Variants in FRA10AC1 observed in about 807,000 individuals in gnomAD.
FRA10AC1 encodes FRA10A associated CGG repeat 1.
A neutral mutation model predicts 56.5 loss-of-function variants in FRA10AC1; 43 were observed. The observed-to-expected ratio is 0.76, with a 90% CI of 0.60 to 0.98. The LOEUF is 0.98. Ranked by LOEUF, FRA10AC1 falls within the 50% of genes least tolerant of loss-of-function variation. The probability of loss-of-function intolerance (pLI) is 0.00; values close to 1 mark genes in which losing one functional copy is unlikely to be tolerated. For synonymous variants in FRA10AC1, 112 were observed against 110.5 expected, an observed-to-expected ratio of 1.01 and a Z score of -0.09; for missense variants, 346 against 351.8, an observed-to-expected ratio of 0.98 and a Z score of 0.13.
In FRA10AC1 at chr10:93,671,911, A is replaced by AGTG. The variant is rs748986581; in HGVS notation, c.827-1064_827-1063insCAC. On this transcript the variant is annotated intron_variant, in intron 12 of 13. Coordinates refer to ENST00000359204, the MANE Select transcript of FRA10AC1 (RefSeq NM_145246.5). ...AACAATGAGCATGAATTACCTTCAA[A>AGTG]ATCAGTAAAAACAATAAAGACATTT... The AGTG allele has an allele frequency of 7.2e-4, 268 of 372,696 alleles. 2 individuals carry two copies. The highest frequency in any genetic ancestry group is 5.4e-3 in the South Asian group (262 of 48,228). The allele number at this position is 372,696 out of a possible 1,614,324, so 23.1% of individuals were successfully genotyped here.
intron 11 of FRA10AC1, among the ~76,000 whole-genome samples, chr10:93,677,737 T>C (rs1196705086): frequency 6.6e-6 from 1 of 152,252 alleles, no homozygotes; most frequent in African/African-American, 2.4e-5. Flanking sequence ...TCTCAAACTT[T>C]AGTGCATATG....
At chr10:93,697,357 A>G (rs553891920) in intron 4 of FRA10AC1, among the ~76,000 whole-genome samples, 3 of 152,348 alleles carry the variant, frequency 2.0e-5, no homozygotes, top group South Asian at 2.1e-4. Flanking sequence ...TGGTACTTCT[A>G]TAACTTAAAA....
chr10:93,690,860 C>T (rs563479957), intron 7 of FRA10AC1, among the ~76,000 whole-genome samples: 29 of 152,026 alleles, frequency 1.9e-4, no homozygotes, highest in Admixed American at 6.6e-4. Context: ...ATTAAGTGCA[C>T]GGGTTTATAA....
At chr10:93,702,937 A>G (rs1338502437), upstream of FRA10AC1, 2 of 455,154 alleles carry the variant, frequency 4.4e-6, no homozygotes, top group African/African-American at 4.0e-5. Flanking sequence ...AGAGCAGCTC[A>G]TCAGCGCTTC....
At chr10:93,676,152 T>C (rs1175126169) in intron 12 of FRA10AC1, among the ~76,000 whole-genome samples, 3 of 152,224 alleles carry the variant, frequency 2.0e-5, no homozygotes. Flanking sequence ...TTTACATTGC[T>C]ATTCTACCTT....
Position 93,696,510 on chromosome 10 carries a change from T to C in FRA10AC1, c.220-1573A>G, listed in dbSNP as rs533665129. ...AACACTTTTACACTGTTGGTGGGAA[T>C]GTAAAATGGTTCAACCATTATTGAA... On this transcript the variant is annotated intron_variant, in intron 4 of 13. Coordinates refer to ENST00000359204, the MANE Select transcript of FRA10AC1 (RefSeq NM_145246.5). Among the ~76,000 whole-genome samples the C allele has an allele frequency of 3.3e-5, 5 of 152,316 alleles. 1 individual carries two copies. The East Asian group carries it at 5.8e-4, about 18-fold the overall frequency.
At chr10:93,680,501 C>T (rs898082320) in intron 11 of FRA10AC1, among the ~76,000 whole-genome samples, 2 of 152,216 alleles carry the variant, frequency 1.3e-5, no homozygotes, top group East Asian at 3.9e-4. Context: ...CAAGGGCACA[C>T]AGATTTAAAC....
intron 11 of FRA10AC1, among the ~76,000 whole-genome samples, chr10:93,678,553 G>A (rs1004105451): frequency 2.6e-5 from 4 of 152,100 alleles, no homozygotes; most frequent in East Asian, 3.9e-4. Flanking sequence ...TAAGGAGGTC[G>A]GGTGTGATGA....
chr10:93,673,520 T>G (rs986127147), intron 12 of FRA10AC1: 5 of 365,990 alleles, frequency 1.4e-5, no homozygotes, highest in Non-Finnish European at 2.7e-5. Context: ...AGTAGGTCTA[T>G]CATCTTGGTT....
chr10:93,672,133 T>G (rs757710772), intron 12 of FRA10AC1: 17 of 419,800 alleles, frequency 4.0e-5, no homozygotes, highest in African/African-American at 2.9e-4. Context: ...ATACAGAATG[T>G]CCTTTAGTTA....
chr10:93,687,255 T>C (rs1389914796), intron 8 of FRA10AC1, 149 bp downstream of exon 8: 1 of 554,144 alleles, frequency 1.8e-6, no homozygotes, highest in East Asian at 3.6e-5. Context: ...AGACCTTTGC[T>C]AATAATGTAT....
intron 13 of FRA10AC1, among the ~76,000 whole-genome samples, chr10:93,670,422 G>A (rs1045287979): frequency 1.1e-4 from 16 of 152,046 alleles, no homozygotes; most frequent in Non-Finnish European, 8.8e-5. Flanking sequence ...GTATAGAAGT[G>A]TACTTCCCAT....
At chr10:93,686,135 C>T (rs2133918063) in intron 8 of FRA10AC1, among the ~76,000 whole-genome samples, 1 of 151,848 alleles carries the variant, frequency 6.6e-6, no homozygotes, top group South Asian at 2.1e-4. Flanking sequence ...CTAACAGAAG[C>T]AAATCTGTAA....
At chr10:93,686,129 CAG>C (rs2059023622) in intron 8 of FRA10AC1, among the ~76,000 whole-genome samples, 1 of 151,780 alleles carries the variant, frequency 6.6e-6, no homozygotes, top group South Asian at 2.1e-4. Flanking sequence ...TTTGCACTAA[CAG>C]AAGCAAATCT....
rs79913106 is a variant in FRA10AC1 at position 93,693,151 on chromosome 10, A to T, written c.297-422T>A. Among the ~76,000 whole-genome samples, 1,230 of 151,674 alleles carry T rather than the reference A, an allele frequency of 8.1e-3. 15 individuals are homozygous for T. The highest frequency in any genetic ancestry group is 0.011 in the Non-Finnish European group (733 of 67,824). On this transcript the variant is annotated intron_variant, in intron 5 of 13. Transcript: ENST00000359204. ...TAGTTTCCTAGGTAGAAGACTGAGT[A>T]AAGGAGGAAGAAAGCCAAAGGGATT...
At chr10:93,694,752 C>A in intron 5 of FRA10AC1, 109 bp downstream of exon 5, 4 of 487,214 alleles carry the variant, frequency 8.2e-6, no homozygotes, top group Admixed American at 3.3e-5. Context: ...AAAGGCACAC[C>A]GGAATAGAAA....
At chr10:93,670,631 C>T in intron 13 of FRA10AC1, 139 bp downstream of exon 13, 1 of 513,518 alleles carries the variant, frequency 1.9e-6, no homozygotes, top group Non-Finnish European at 3.5e-6. Context: ...TGGGAATAAG[C>T]TCTAATCTTA....
chr10:93,695,906 G>C (rs568514665), intron 4 of FRA10AC1, among the ~76,000 whole-genome samples: 44 of 121,878 alleles, frequency 3.6e-4, no homozygotes, highest in Admixed American at 2.0e-3. Flanking sequence ...GGCTTTGCAA[G>C]CCATATGGTC....
intron 8 of FRA10AC1, among the ~76,000 whole-genome samples, chr10:93,685,637 C>T (rs2059014160): frequency 1.3e-5 from 2 of 150,650 alleles, no homozygotes; most frequent in Non-Finnish European, 3.0e-5. Flanking sequence ...TTTGGAAAGA[C>T]AGTATTAAAG....
Sources: gnomAD v4.1 joint callset for allele counts (sites outside exome capture counted in the v4.1 genomes callset) on GRCh38, gnomAD v4.1.1 for gene constraint, MANE v1.5 for transcripts, NCBI Gene and HGNC (gene_info 2026-07-23, HGNC 2026-07-21) for gene names.